CRISPLD1: variants seen among roughly 807,000 people sequenced by gnomAD.
CRISPLD1 encodes the protein cysteine-rich secretory protein LCCL domain-containing 1.
A neutral mutation model predicts 77.5 loss-of-function variants in CRISPLD1; 60 were observed. The ratio of observed to expected loss-of-function variants is 0.77; its 90% CI spans 0.63 to 0.96. CRISPLD1 has a LOEUF of 0.96. CRISPLD1 is among the 40% of genes least tolerant of loss of function. The pLI, the probability that CRISPLD1 is intolerant of heterozygous loss-of-function variation, is 0.00. For missense variants in CRISPLD1, 623 were observed against 615.8 expected (o/e 1.01, Z -0.12); for synonymous variants, 195 against 200.1 (o/e 0.97, Z 0.22).
intron 12 of CRISPLD1, among the ~76,000 whole-genome samples, chr8:75,021,105 C>T (rs1446712508): frequency 6.6e-6 from 1 of 152,062 alleles, no homozygotes; most frequent in Non-Finnish European, 1.5e-5. Flanking sequence ...TTTGACAAAA[C>T]ATTTTAGTCT....
chr8:74,994,399 C>T lies in CRISPLD1; in HGVS notation c.258+8154C>T, dbSNP rs563279831. Among the ~76,000 whole-genome samples the T allele has an allele frequency of 6.6e-5, 10 of 152,318 alleles. 1 individual carries two copies. The highest frequency in any genetic ancestry group is 2.4e-4 in the African/African-American group (10 of 41,554). On this transcript the variant is annotated intron_variant, in intron 2 of 14. Coordinates refer to ENST00000262207, the MANE Select transcript of CRISPLD1 (RefSeq NM_031461.6). ...GATGCAAGATCTAAATCCATCCAAG[C>T]CTTGGCTACTGTGTTTTGAAAACTG...
At chr8:75,012,738 AT>A in intron 3 of CRISPLD1, 151 bp from the exon 4 acceptor site, 1 of 858,326 alleles carries the variant, frequency 1.2e-6, no homozygotes, top group Non-Finnish European at 1.8e-6. Context: ...TAAATCATCA[AT>A]TTATTAGTAA....
chr8:75,015,291 A>G (rs187654529), intron 6 of CRISPLD1, among the ~76,000 whole-genome samples: 46 of 152,262 alleles, frequency 3.0e-4, no homozygotes, highest in Admixed American at 5.9e-4. Context: ...CGCTTTAAAC[A>G]TTTTTAACAA....
At position 75,033,186 on chromosome 8, in the gene CRISPLD1, T is replaced by C. The variant is rs1340485925; in HGVS notation, c.*944T>C. 3 of 152,420 alleles carry C rather than the reference T, an allele frequency of 2.0e-5. No homozygotes were observed. The highest frequency in any genetic ancestry group is 7.2e-5 in the African/African-American group (3 of 41,450). 9.4% of individuals were successfully genotyped at this position (152,420 alleles called of 1,614,324 possible). On this transcript the variant is annotated 3_prime_UTR_variant, in exon 15 of 15. Transcript: ENST00000262207. ...TGTTTCTATGAAAAATGTATTGTGC[T>C]TTGATACTAAAAATCTGTAAAATGT...
chr8:74,991,277 T>G (rs1812569230), intron 2 of CRISPLD1, among the ~76,000 whole-genome samples: 1 of 152,162 alleles, frequency 6.6e-6, no homozygotes, highest in Non-Finnish European at 1.5e-5. Flanking sequence ...ATTACAGATG[T>G]GAGCCACCAT....
chr8:75,028,826 C>A (rs1813280788), intron 13 of CRISPLD1, among the ~76,000 whole-genome samples: 1 of 151,876 alleles, frequency 6.6e-6, no homozygotes, highest in Non-Finnish European at 1.5e-5. Flanking sequence ...TAGGGTTATT[C>A]TTTTAGGCAA....
chr8:74,998,685 CAAAAAAAAAAA>C (rs368258595), intron 2 of CRISPLD1, among the ~76,000 whole-genome samples: 3 of 50,968 alleles, frequency 5.9e-5, no homozygotes, highest in Non-Finnish European at 1.1e-4. Flanking sequence ...GACTCCATCT[CAAAAAAAAAAA>C]AAAAAAAAAA....
Position 75,017,466 on chromosome 8 carries a change from A to C in CRISPLD1, c.1127+16A>C, listed in dbSNP as rs769783972. On this transcript the variant is annotated intron_variant, in intron 10 of 14. Transcript: ENST00000262207. ...AAACAATTGGGTAAGTACCAAAATA[A>C]TCTTTTGGACCAGATAATTTTAAAT... is the stretch of plus-strand genomic sequence containing the variant. The C allele has an allele frequency of 6.3e-7, 1 of 1,583,416 alleles. No individual in the cohort carries two copies. Among genetic ancestry groups the C allele is most frequent in the Non-Finnish European group, 8.6e-7 (1 of 1,168,168 alleles).
intron 2 of CRISPLD1, among the ~76,000 whole-genome samples, chr8:74,992,143 G>C (rs569732060): frequency 1.3e-5 from 2 of 152,014 alleles, no homozygotes; most frequent in Non-Finnish European, 2.9e-5. Context: ...TGGATGAATA[G>C]GTAAGATTAT....
In CRISPLD1 at chr8:75,014,051, G is replaced by C. The variant is rs745608376; in HGVS notation, c.575G>C (p.Trp192Ser). The C allele has an allele frequency of 6.2e-7, 1 of 1,613,146 alleles. No homozygotes were observed. Among genetic ancestry groups the C allele is most frequent in the Non-Finnish European group, 8.5e-7 (1 of 1,179,370 alleles). The change falls in exon 5 of 15, where the codon TGG (tryptophan) becomes TCG (serine). Residue 192 changes from tryptophan (W) to serine (S), a missense_variant. Transcript: ENST00000262207. ...AINLCHNMNI[W>S]GQIWPKAVYL... Reference sequence around the variant, plus strand: ...AATTTGTGTCATAACATGAACATCTGGGGGCAGATATGGCCCAAAGCTGTC... The same window carrying C: ...AATTTGTGTCATAACATGAACATCTCGGGGCAGATATGGCCCAAAGCTGTC...
intron 2 of CRISPLD1, among the ~76,000 whole-genome samples, chr8:75,009,631 A>G (rs1323969466): frequency 1.3e-5 from 2 of 151,772 alleles, no homozygotes; most frequent in Admixed American, 1.3e-4. Flanking sequence ...CCTATGTATA[A>G]CTAGAGTACT....
At chr8:75,013,121 T>C (rs1812963858) in intron 4 of CRISPLD1, 99 bp downstream of exon 4, 2 of 995,970 alleles carry the variant, frequency 2.0e-6, no homozygotes, top group Admixed American at 3.3e-5. Flanking sequence ...TTTAATATGG[T>C]TATTAAAAAA....
chr8:75,015,259 ATTTAACACAATTTATT>A (rs1376172107), intron 6 of CRISPLD1, among the ~76,000 whole-genome samples: 2 of 152,084 alleles, frequency 1.3e-5, no homozygotes, highest in Non-Finnish European at 2.9e-5. Context: ...GGATTTAGCA[ATTTAACACAATTTATT>A]TTTAGCGCTT....
At chr8:75,000,471 T>C (rs16939017) in intron 2 of CRISPLD1, 32,342 of 966,802 alleles carry the variant, frequency 0.033, 606 homozygotes, top group East Asian at 0.11. Flanking sequence ...ACCATGTTAT[T>C]CCGTATGCCT....
chr8:75,015,208 G>T (rs901140571), intron 6 of CRISPLD1, among the ~76,000 whole-genome samples: 3 of 152,032 alleles, frequency 2.0e-5, no homozygotes, highest in Non-Finnish European at 2.9e-5. Flanking sequence ...TTGATGTATG[G>T]TTGACTAGAG....
chr8:75,029,161 C>T (rs950352064), intron 13 of CRISPLD1, among the ~76,000 whole-genome samples: 2 of 152,124 alleles, frequency 1.3e-5, no homozygotes, highest in African/African-American at 2.4e-5. Flanking sequence ...GGGGTCTTAC[C>T]GTTGCAGTCA....
intron 1 of CRISPLD1, among the ~76,000 whole-genome samples, chr8:74,985,404 T>C (rs1563604640): frequency 6.6e-6 from 1 of 152,226 alleles, no homozygotes; most frequent in African/African-American, 2.4e-5. Context: ...TAGCCTTTTG[T>C]ATTTCTTTGA....
At chr8:75,025,515 TAATA>T (rs1287414186) in intron 12 of CRISPLD1, 27 bp from the exon 13 acceptor site, 1 of 958,740 alleles carries the variant, frequency 1.0e-6, no homozygotes, top group Admixed American at 2.7e-5. Flanking sequence ...CCAGCTTACT[TAATA>T]TATATATAAT....
chr8:75,004,718 A>G (rs1289740673), intron 2 of CRISPLD1, among the ~76,000 whole-genome samples: 1 of 152,182 alleles, frequency 6.6e-6, no homozygotes, highest in Non-Finnish European at 1.5e-5. Context: ...AAGTGGTAGC[A>G]TAGTAAGAAT....
Sources: gnomAD v4.1 joint callset for allele counts (sites outside exome capture counted in the v4.1 genomes callset) on GRCh38, gnomAD v4.1.1 for gene constraint, MANE v1.5 for transcripts, NCBI Gene and HGNC (gene_info 2026-07-23, HGNC 2026-07-21) for gene names.